Variants in TENM3 observed in about 807,000 individuals in gnomAD.
The protein encoded by TENM3 is teneurin-3.
In TENM3, 63 loss-of-function variants were observed where a neutral mutation model predicts 255.1. The observed-to-expected ratio is 0.25, with a 90% CI of 0.20 to 0.30. TENM3 has a LOEUF of 0.30. Among genes scored for constraint, TENM3 ranks in the 10% least tolerant of loss-of-function variants. The probability of loss-of-function intolerance (pLI) is 1.00; values close to 1 mark genes in which losing one functional copy is unlikely to be tolerated. For synonymous variants in TENM3, 1,306 were observed against 1,322.3 expected, an observed-to-expected ratio of 0.99 and a Z score of 0.27; for missense variants, 2,929 against 3,461.1, an observed-to-expected ratio of 0.85 and a Z score of 3.86.
chr4:181,876,247 G>A, the TENM3 span, among the ~76,000 whole-genome samples: 1 of 152,268 alleles, frequency 6.6e-6, no homozygotes, highest in Non-Finnish European at 1.5e-5. Flanking sequence ...ATGCAAATAT[G>A]TTGTATTTCC....
chr4:182,560,373 C>T (rs1331087426), intron 3 of TENM3, among the ~76,000 whole-genome samples: 1 of 152,084 alleles, frequency 6.6e-6, no homozygotes, highest in Non-Finnish European at 1.5e-5. Flanking sequence ...GATTCCATTC[C>T]CAAGGTGATT....
At chr4:182,360,213 G>C (rs575718944) in intron 3 of TENM3, among the ~76,000 whole-genome samples, 1 of 132,198 alleles carries the variant, frequency 7.6e-6, no homozygotes. Flanking sequence ...TTGGGGTGGA[G>C]AGTTCTGTAG....
the TENM3 span, among the ~76,000 whole-genome samples, chr4:181,960,809 A>G: frequency 2.0e-5 from 3 of 152,178 alleles, no homozygotes; most frequent in African/African-American, 4.8e-5. Context: ...AGCTTACTTG[A>G]CCACATATTT....
At chr4:182,163,644 A>G (rs2149659285) in intron 1 of TENM3, among the ~76,000 whole-genome samples, 1 of 152,274 alleles carries the variant, frequency 6.6e-6, no homozygotes, top group Non-Finnish European at 1.5e-5. Flanking sequence ...TAGGAGTAGG[A>G]AGGAATTTAG....
chr4:182,491,566 G>A (rs17322306), intron 3 of TENM3, among the ~76,000 whole-genome samples: 53,542 of 151,872 alleles, frequency 0.35, 10,642 homozygotes, highest in Non-Finnish European at 0.44. Context: ...TGGTAGTGGC[G>A]GATAGTGTTT....
chr4:182,087,361 G>A, the TENM3 span, among the ~76,000 whole-genome samples: 2 of 152,110 alleles, frequency 1.3e-5, no homozygotes, highest in East Asian at 1.9e-4. Context: ...TAAACTTTTG[G>A]GAGAAGACAC....
chr4:181,890,462 T>C, the TENM3 span, among the ~76,000 whole-genome samples: 18 of 152,114 alleles, frequency 1.2e-4, no homozygotes, highest in Admixed American at 9.8e-4. Context: ...AGCTGCTCAG[T>C]TGAAAGAAGA....
At chr4:181,567,606 G>A in the TENM3 span, among the ~76,000 whole-genome samples, 3 of 152,144 alleles carry the variant, frequency 2.0e-5, no homozygotes, top group South Asian at 6.2e-4. Context: ...ACATGTTGAG[G>A]TGACTTCCTT....
At chr4:182,677,422 A>G (rs1395595754) in intron 7 of TENM3, among the ~76,000 whole-genome samples, 2 of 152,222 alleles carry the variant, frequency 1.3e-5, no homozygotes, top group African/African-American at 4.8e-5. Flanking sequence ...ACCGTGTTTA[A>G]TGTTAGGGAA....
chr4:182,043,674 G>A, the TENM3 span, among the ~76,000 whole-genome samples: 1 of 152,126 alleles, frequency 6.6e-6, no homozygotes, highest in African/African-American at 2.4e-5. Flanking sequence ...GGGGAATTGG[G>A]TGCACAGTTC....
the TENM3 span, among the ~76,000 whole-genome samples, chr4:181,481,516 C>A: frequency 3.3e-5 from 5 of 152,132 alleles, no homozygotes; most frequent in African/African-American, 1.2e-4. Context: ...TTGCTGTAAC[C>A]CATTCATATG....
intron 3 of TENM3, among the ~76,000 whole-genome samples, chr4:182,380,376 G>A (rs2150916237): frequency 6.6e-6 from 1 of 152,334 alleles, no homozygotes; most frequent in East Asian, 1.9e-4. Context: ...TGGAGGAGTT[G>A]TGTGAAAGAC....
chr4:182,718,510 G>A (rs749776235), intron 13 of TENM3, among the ~76,000 whole-genome samples: 2 of 152,136 alleles, frequency 1.3e-5, no homozygotes, highest in Non-Finnish European at 2.9e-5. Flanking sequence ...AAAGGGGCTT[G>A]GATGCTGGGC....
At position 182,754,837 on chromosome 4, in the gene TENM3, A is replaced by G; in HGVS notation, c.4470A>G (p.Leu1490=). The G allele has an allele frequency of 6.2e-7, 1 of 1,614,038 alleles. No homozygotes were observed. The highest frequency in any genetic ancestry group is 8.5e-7 in the Non-Finnish European group (1 of 1,179,882). The part of the protein sequence containing the change: ...SPDGTLYIAD[L]GNIRIRAVSK... ...ATGGTACACTGTATATTGCAGATCT[A>G]GGGAATATCCGGATCCGGGCTGTGT... is the stretch of plus-strand genomic sequence containing the variant. The change falls in exon 22 of 28, where the codon CTA becomes CTG. Residue 1490 remains leucine (L), a synonymous_variant. Coordinates refer to ENST00000511685, the MANE Select transcript of TENM3 (RefSeq NM_001080477.4). The surrounding 1 kb of genome is among the most constrained non-coding windows in gnomAD (Gnocchi z 5.1).
At chr4:181,810,280 C>T in the TENM3 span, among the ~76,000 whole-genome samples, 1 of 152,054 alleles carries the variant, frequency 6.6e-6, no homozygotes, top group African/African-American at 2.4e-5. Flanking sequence ...GTGTCTGCAG[C>T]CATGAAGTGG....
chr4:182,542,310 CTT>C (rs916451962), intron 3 of TENM3, among the ~76,000 whole-genome samples: 9 of 152,114 alleles, frequency 5.9e-5, no homozygotes, highest in African/African-American at 2.2e-4. Context: ...TAGGGGAACT[CTT>C]TAGCAGACGA....
chr4:182,634,649 T>C (rs1243486088), intron 5 of TENM3, among the ~76,000 whole-genome samples: 1 of 145,018 alleles, frequency 6.9e-6, no homozygotes, highest in Non-Finnish European at 1.5e-5. Context: ...CCCAAAGAAA[T>C]ACCTGTTGCA....
At chr4:182,074,895 C>A in the TENM3 span, among the ~76,000 whole-genome samples, 1 of 152,122 alleles carries the variant, frequency 6.6e-6, no homozygotes, top group East Asian at 1.9e-4. Context: ...GCTAAGAGAT[C>A]AGGGCAGGAC....
chr4:182,149,454 A>G (rs1268515897), intron 1 of TENM3, among the ~76,000 whole-genome samples: 1 of 152,026 alleles, frequency 6.6e-6, no homozygotes, highest in African/African-American at 2.4e-5. Flanking sequence ...ATAGTGATCT[A>G]CTCAAACCCA....
Sources: allele counts gnomAD v4.1 joint callset (sites outside exome capture counted in the v4.1 genomes callset), GRCh38; gene constraint gnomAD v4.1.1; non-coding constraint Gnocchi (gnomAD v3.1); transcripts MANE v1.5; gene names NCBI Gene and HGNC (gene_info 2026-07-23, HGNC 2026-07-21).